CNOT6L: variants seen among roughly 807,000 people sequenced by gnomAD.
CNOT6L encodes CCR4-NOT transcription complex subunit 6 like.
In CNOT6L, 7 loss-of-function variants were observed where a neutral mutation model predicts 64.0. The ratio of observed to expected loss-of-function variants is 0.11; its 90% CI spans 0.06 to 0.21. CNOT6L has a LOEUF of 0.21. CNOT6L is among the 10% of genes least tolerant of loss of function. CNOT6L has a pLI of 1.00. For missense variants in CNOT6L, 245 were observed against 669.0 expected (o/e 0.37, Z 6.99); for synonymous variants, 193 against 243.4 (o/e 0.79, Z 1.93).
intron 1 of CNOT6L, among the ~76,000 whole-genome samples, chr4:77,779,058 A>AAAAAAAAAAAAAAAAAT (rs1560419889): frequency 1.0e-5 from 1 of 96,396 alleles, no homozygotes. Flanking sequence ...AAAAAAAAAA[A>AAAAAAAAAAAAAAAAAT]AAAACAAAAA....
At chr4:77,808,595 G>T (rs1732526041) in intron 1 of CNOT6L, among the ~76,000 whole-genome samples, 1 of 152,140 alleles carries the variant, frequency 6.6e-6, no homozygotes, top group East Asian at 1.9e-4. Context: ...AAGCAATGTG[G>T]GATGAATTTT....
Position 77,756,780 on chromosome 4 carries a change from G to A in CNOT6L, c.490+82C>T, listed in dbSNP as rs575635736. 16 of 811,880 alleles carry A rather than the reference G, an allele frequency of 2.0e-5. No individual in the cohort carries two copies. The South Asian group carries it at 2.7e-4, about 14-fold the overall frequency. The allele number at this position is 811,880 out of a possible 1,614,324, so 50.3% of individuals were successfully genotyped here. ...AACCCATAGGCAATTATAAAAAACAGTCAGATGCTCTTGAGGAACATATAT... is the reference window on the plus strand; with the variant it reads ...AACCCATAGGCAATTATAAAAAACAATCAGATGCTCTTGAGGAACATATAT... On this transcript the variant is annotated intron_variant, in intron 5 of 11. Coordinates refer to ENST00000504123, the MANE Select transcript of CNOT6L (RefSeq NM_144571.3).
chr4:77,788,127 T>C (rs1249146556), intron 1 of CNOT6L, among the ~76,000 whole-genome samples: 6 of 152,224 alleles, frequency 3.9e-5, no homozygotes, highest in Non-Finnish European at 8.8e-5. Context: ...CTCGATCACA[T>C]TCCAAGATTT....
At chr4:77,769,324 C>T (rs1052552707) in intron 4 of CNOT6L, among the ~76,000 whole-genome samples, 1 of 152,134 alleles carries the variant, frequency 6.6e-6, no homozygotes, top group Non-Finnish European at 1.5e-5. Context: ...TATAGGGGAT[C>T]TATAATGACA....
rs140657066 is a variant in CNOT6L, at chr4:77,803,948, C to T, written c.5+15356G>A. Among the ~76,000 whole-genome samples, 1,479 of 151,962 alleles carry T rather than the reference C, an allele frequency of 9.7e-3. 23 individuals carry two copies. The highest frequency in any genetic ancestry group is 0.033 in the African/African-American group (1,367 of 41,446). ...TGAGGTGTGGAAATGTAAAACAGCGCTGCTACTGTGGAAAAGTTTGTCAAT... is the reference window on the plus strand; with the variant it reads ...TGAGGTGTGGAAATGTAAAACAGCGTTGCTACTGTGGAAAAGTTTGTCAAT... On this transcript the variant is annotated intron_variant, in intron 1 of 11. Transcript: ENST00000504123.
intron 1 of CNOT6L, among the ~76,000 whole-genome samples, chr4:77,788,806 T>A (rs1430379557): frequency 6.6e-6 from 1 of 151,410 alleles, no homozygotes; most frequent in Non-Finnish European, 1.5e-5. Context: ...TATAAAAAAT[T>A]AACCTCATTC....
At chr4:77,782,658 T>A (rs1440374318) in intron 1 of CNOT6L, among the ~76,000 whole-genome samples, 1 of 94,366 alleles carries the variant, frequency 1.1e-5, no homozygotes, top group South Asian at 3.3e-4. Flanking sequence ...TTTTTTTTTT[T>A]TTAAAGAGAC....
intron 1 of CNOT6L, among the ~76,000 whole-genome samples, chr4:77,805,771 A>G (rs1732143699): frequency 6.6e-6 from 1 of 152,210 alleles, no homozygotes; most frequent in African/African-American, 2.4e-5. Context: ...TTGGATTCAC[A>G]GCCTTCTCCA....
chr4:77,756,154 T>G (rs1725558051), intron 5 of CNOT6L, among the ~76,000 whole-genome samples: 1 of 152,058 alleles, frequency 6.6e-6, no homozygotes, highest in Non-Finnish European at 1.5e-5. Flanking sequence ...TGGCTAATTT[T>G]TGTATGTTTA....
intron 1 of CNOT6L, among the ~76,000 whole-genome samples, chr4:77,803,806 G>A (rs987461213): frequency 2.6e-5 from 4 of 152,094 alleles, no homozygotes; most frequent in African/African-American, 9.7e-5. Context: ...GGGAGGCTGA[G>A]GCAGGAGAAT....
chr4:77,799,977 A>T (rs917361545), intron 1 of CNOT6L, among the ~76,000 whole-genome samples: 1 of 152,076 alleles, frequency 6.6e-6, no homozygotes, highest in Non-Finnish European at 1.5e-5. Flanking sequence ...TACATGGCAA[A>T]TCCAAGAATT....
At chr4:77,759,337 G>T (rs1054143349) in intron 4 of CNOT6L, among the ~76,000 whole-genome samples, 1 of 151,708 alleles carries the variant, frequency 6.6e-6, no homozygotes, top group African/African-American at 2.4e-5. Flanking sequence ...AGGCCGAGGC[G>T]GGTGGATCAT....
intron 4 of CNOT6L, among the ~76,000 whole-genome samples, chr4:77,762,790 GAGA>G (rs1282367578): frequency 6.6e-6 from 1 of 152,108 alleles, no homozygotes; most frequent in Non-Finnish European, 1.5e-5. Flanking sequence ...CAAGGGCTGA[GAGA>G]AGAAGGTATT....
chr4:77,754,001 CT>C (rs1725170355), intron 5 of CNOT6L, among the ~76,000 whole-genome samples: 1 of 151,160 alleles, frequency 6.6e-6, no homozygotes, highest in East Asian at 1.9e-4. Context: ...GAATATGATA[CT>C]TAATCAAAAA....
chr4:77,780,908 C>T (rs1728786045), intron 1 of CNOT6L, among the ~76,000 whole-genome samples: 1 of 152,028 alleles, frequency 6.6e-6, no homozygotes, highest in Non-Finnish European at 1.5e-5. Flanking sequence ...GGCCATTGTG[C>T]ACTATAATCA....
Position 77,805,569 on chromosome 4 carries a change from G to A in CNOT6L, c.5+13735C>T, listed in dbSNP as rs185251844. Reference sequence around the variant, plus strand: ...TTCATTTCATATTATAGTTGTTACAGAAATCTCAAAATATCTATATGTACC... The same window carrying A: ...TTCATTTCATATTATAGTTGTTACAAAAATCTCAAAATATCTATATGTACC... On this transcript the variant is annotated intron_variant, in intron 1 of 11. Coordinates refer to ENST00000504123, the MANE Select transcript of CNOT6L (RefSeq NM_144571.3). 3.0e-3 allele frequency among the ~76,000 whole-genome samples: 450 copies of A among 152,228 alleles called. 1 individual carries two copies. Among genetic ancestry groups the A allele is most frequent in the Non-Finnish European group, 4.9e-3 (335 of 68,014 alleles).
chr4:77,819,162 TC>T, intron 1 of CNOT6L, 141 bp downstream of exon 1: 1 of 1,527,624 alleles, frequency 6.5e-7, no homozygotes, highest in Non-Finnish European at 8.9e-7. Context: ...TCGCCGTGGG[TC>T]CTCGGGCCGC....
chr4:77,762,679 C>T (rs543017883), intron 4 of CNOT6L, among the ~76,000 whole-genome samples: 11 of 152,244 alleles, frequency 7.2e-5, no homozygotes, highest in African/African-American at 2.4e-4. Context: ...ATACACACAA[C>T]ATGAATGAAC....
In CNOT6L at chr4:77,818,624, C is replaced by T. The variant is rs116543689; in HGVS notation, c.5+680G>A. On this transcript the variant is annotated intron_variant, in intron 1 of 11. Coordinates refer to ENST00000504123, the MANE Select transcript of CNOT6L (RefSeq NM_144571.3). ...CCCTCGGGTCCCACAGCCGGCCGGG[C>T]GAAGGCTTGCAGTTGGAACGCCAAA... 9.7e-3 allele frequency among the ~76,000 whole-genome samples: 1,478 copies of T among 152,288 alleles called. 21 individuals are homozygous for T. The highest frequency in any genetic ancestry group is 0.033 in the African/African-American group (1,374 of 41,554).
Sources: gnomAD v4.1 joint callset for allele counts (sites outside exome capture counted in the v4.1 genomes callset) on GRCh38, gnomAD v4.1.1 for gene constraint, MANE v1.5 for transcripts, NCBI Gene and HGNC (gene_info 2026-07-23, HGNC 2026-07-21) for gene names.